ACSM3: variants seen among roughly 807,000 people sequenced by gnomAD.
ACSM3 encodes the protein acyl-coenzyme A synthetase ACSM3, mitochondrial.
Under a neutral mutation model 74.1 loss-of-function variants are expected in ACSM3, and 61 were observed. The observed-to-expected ratio is 0.82, with a 90% CI of 0.67 to 1.02. The LOEUF is 1.02. Among genes scored for constraint, ACSM3 ranks in the 50% least tolerant of loss-of-function variants. The pLI is 0.00. For missense variants in ACSM3, 660 were observed against 697.0 expected, an observed-to-expected ratio of 0.95 and a Z score of 0.60; for synonymous variants, 213 against 241.5, an observed-to-expected ratio of 0.88 and a Z score of 1.09.
intron 1 of ACSM3, among the ~76,000 whole-genome samples, chr16:20,694,825 G>T (rs1447048399): frequency 6.6e-6 from 1 of 151,980 alleles, no homozygotes; most frequent in East Asian, 1.9e-4. Context: ...TATTAGGGTG[G>T]GCCCTAATCC....
In ACSM3 at chr16:20,776,839, G is replaced by A. The variant is rs190674906; in HGVS notation, c.431-534G>A. On this transcript the variant is annotated intron_variant, in intron 3 of 13. Transcript: ENST00000289416. ...GAATAGAACCACAGAAAAGATGAAT[G>A]CCTCCACACTTCCTTTTGGAAATAA... is the stretch of plus-strand genomic sequence containing the variant. 4.7e-3 allele frequency among the ~76,000 whole-genome samples: 708 copies of A among 152,254 alleles called. 4 individuals are homozygous for A. Among genetic ancestry groups the A allele is most frequent in the Non-Finnish European group, 7.5e-3 (507 of 68,016 alleles).
chr16:20,739,867 C>T (rs980501559), intron 1 of ACSM3, among the ~76,000 whole-genome samples: 1 of 151,602 alleles, frequency 6.6e-6, no homozygotes, highest in Non-Finnish European at 1.5e-5. Flanking sequence ...AGGGAATTCC[C>T]GCAGACTATA....
intron 1 of ACSM3, among the ~76,000 whole-genome samples, chr16:20,711,241 G>C (rs1404467562): frequency 1.3e-5 from 2 of 152,162 alleles, no homozygotes; most frequent in African/African-American, 4.8e-5. Context: ...AGGTCACAAA[G>C]CTAGTAAGTT....
chr16:20,688,737 T>A (rs2079599160), intron 1 of ACSM3, among the ~76,000 whole-genome samples: 1 of 151,878 alleles, frequency 6.6e-6, no homozygotes, highest in Non-Finnish European at 1.5e-5. Flanking sequence ...AAGTTCACTA[T>A]CCCTAGACTT....
rs1448131994 is a variant in ACSM3 at position 20,691,764 on chromosome 16, T to C, written c.-190+16942T>C. 3.1e-3 allele frequency among the ~76,000 whole-genome samples: 152 copies of C among 49,056 alleles called. 2 individuals carry two copies. The highest frequency in any genetic ancestry group is 8.3e-3 in the South Asian group (13 of 1,558). 32.2% of individuals were successfully genotyped at this position (49,056 alleles called of 152,430 possible). The stretch of plus-strand genomic sequence containing the variant: ...AATACCTCTCCAATGTGTGTGTGTG[T>C]GTGTGTGTGTGTGTGTGTGTGTGTG... On this transcript the variant is annotated intron_variant, in intron 1 of 3. Coordinates refer to the ACSM3 transcript ENST00000561584.
In ACSM3 at chr16:20,790,230, T is replaced by A. The variant is rs1310280617; in HGVS notation, c.1225-357T>A. 2.0e-5 allele frequency among the ~76,000 whole-genome samples: 3 copies of A among 152,116 alleles called. No homozygotes were observed. The highest frequency in any genetic ancestry group is 7.2e-5 in the African/African-American group (3 of 41,412). On this transcript the variant is annotated intron_variant, in intron 9 of 13. Transcript: ENST00000289416. This position sits in a 1 kb window ranked among gnomAD's most constrained non-coding sequence, Gnocchi z 4.0. ...ACTTTGGGAGGCCAAGGCTGGAATA[T>A]CACTGGAAGCCAGGAACCAGCCTGG...
chr16:20,786,283 A>G, intron 9 of ACSM3, 125 bp downstream of exon 9: 1 of 1,420,568 alleles, frequency 7.0e-7, no homozygotes, highest in South Asian at 1.5e-5. Context: ...ATGATACTTT[A>G]ATTTTTATAA....
chr16:20,794,547 G>A (rs2080677995), intron 12 of ACSM3, among the ~76,000 whole-genome samples: 2 of 152,080 alleles, frequency 1.3e-5, no homozygotes, highest in Non-Finnish European at 2.9e-5. Flanking sequence ...ATATTGAATG[G>A]CACAGCCATA....
At chr16:20,775,620 T>C (rs764645564) in intron 2 of ACSM3, among the ~76,000 whole-genome samples, 1 of 152,202 alleles carries the variant, frequency 6.6e-6, no homozygotes, top group African/African-American at 2.4e-5. Context: ...TCATGTTATC[T>C]GCTTACTGTC....
chr16:20,713,498 A>C (rs949103846), intron 1 of ACSM3, among the ~76,000 whole-genome samples: 1 of 152,112 alleles, frequency 6.6e-6, no homozygotes, highest in Non-Finnish European at 1.5e-5. Flanking sequence ...GAGTAAAAAA[A>C]TACAATTGTG....
At chr16:20,781,242 A>G in intron 6 of ACSM3, 112 bp downstream of exon 6, 2 of 1,317,074 alleles carry the variant, frequency 1.5e-6, no homozygotes, top group Non-Finnish European at 2.1e-6. Flanking sequence ...ATGATTTAAG[A>G]TATGTCACAT....
intron 9 of ACSM3, chr16:20,789,485 C>G (rs1375367779): frequency 3.1e-6 from 5 of 1,611,912 alleles, no homozygotes; most frequent in Admixed American, 1.7e-5. Context: ...TTACCATTGT[C>G]AACCAGAGAA....
intron 1 of ACSM3, among the ~76,000 whole-genome samples, chr16:20,700,020 C>G (rs2079708891): frequency 6.6e-6 from 1 of 152,102 alleles, no homozygotes; most frequent in Admixed American, 6.5e-5. Context: ...TATTTAAGAG[C>G]AGGTATGAGT....
intron 1 of ACSM3, chr16:20,685,132 T>TCAGGA (rs1342929874): frequency 6.4e-7 from 1 of 1,574,518 alleles, no homozygotes; most frequent in Non-Finnish European, 8.7e-7. Flanking sequence ...ACCTAATATC[T>TCAGGA]CAGGACCCAT....
rs369306575 is a variant in ACSM3, at chr16:20,790,072, G to T, written c.1225-515G>T. ...AAATTTTTAAAAAATTTTATCCTGC[G>T]TTCACATGTTGGTAACCTGTATTTA... On this transcript the variant is annotated intron_variant, in intron 9 of 13. Transcript: ENST00000289416. The surrounding 1 kb of genome is among the most constrained non-coding windows in gnomAD (Gnocchi z 4.0). 6.6e-6 allele frequency among the ~76,000 whole-genome samples: 1 copy of T among 152,010 alleles called. No homozygotes were observed. Among genetic ancestry groups the T allele is most frequent in the South Asian group, 2.1e-4 (1 of 4,828 alleles).
At chr16:20,782,992 G>C (rs2080386456) in intron 7 of ACSM3, among the ~76,000 whole-genome samples, 1 of 152,122 alleles carries the variant, frequency 6.6e-6, no homozygotes, top group Non-Finnish European at 1.5e-5. Context: ...TTTTTTGGAG[G>C]CTCCATTATG....
intron 3 of ACSM3, among the ~76,000 whole-genome samples, 164 bp downstream of exon 3, chr16:20,776,213 C>T (rs1252469690): frequency 6.6e-6 from 1 of 152,168 alleles, no homozygotes; most frequent in Non-Finnish European, 1.5e-5. Context: ...TTCCTTATCC[C>T]TAGGTGGAAC....
chr16:20,707,520 G>A (rs12921541), intron 1 of ACSM3, among the ~76,000 whole-genome samples: 1 of 152,130 alleles, frequency 6.6e-6, no homozygotes, highest in Non-Finnish European at 1.5e-5. Flanking sequence ...CCCAGTACCA[G>A]CCCTTTGGAC....
intron 1 of ACSM3, chr16:20,741,479 C>CGGG: frequency 1.4e-4 from 180 of 1,329,148 alleles, no homozygotes; most frequent in Middle Eastern, 2.9e-4. Context: ...GCCTGGCAGC[C>CGGG]GGCCCGCCCG....
Sources: gnomAD v4.1 joint callset for allele counts (sites outside exome capture counted in the v4.1 genomes callset) on GRCh38, gnomAD v4.1.1 for gene constraint, Gnocchi (gnomAD v3.1) non-coding constraint, MANE v1.5 for transcripts, NCBI Gene and HGNC (gene_info 2026-07-23, HGNC 2026-07-21) for gene names.